Variants in MLLT10 observed in about 807,000 individuals in gnomAD.
MLLT10 encodes protein AF-10.
MLLT10 carries 30 observed loss-of-function variants against 129.1 expected under a neutral mutation model. The ratio of observed to expected loss-of-function variants is 0.23; its 90% confidence interval spans 0.17 to 0.32. The LOEUF (loss-of-function observed/expected upper bound fraction) is 0.32, where lower values mean the gene tolerates loss of function less well. Ranked by LOEUF, MLLT10 falls within the 10% of genes least tolerant of loss-of-function variation. MLLT10 has a pLI of 1.00. For synonymous variants in MLLT10, 490 were observed against 446.4 expected (o/e 1.10, Z -1.23); for missense variants, 1,119 against 1,268.3 (o/e 0.88, Z 1.79).
In MLLT10 at chr10:21,740,114, C is replaced by T; in HGVS notation, c.3040C>T (p.Pro1014Ser). The T allele has an allele frequency of 1.2e-6, 2 of 1,614,080 alleles. No homozygotes were observed. Among genetic ancestry groups the T allele is most frequent in the Non-Finnish European group, 1.7e-6 (2 of 1,180,018 alleles). The change falls in exon 22 of 23, where the codon CCT becomes TCT. Residue 1014 changes from proline (P) to serine (S), a missense_variant. Around this residue, in one of 5 missense-constraint regions of MLLT10, gnomAD observed 1,004 missense variants for 1,008.7 expected, o/e 1.00. Coordinates refer to ENST00000307729, the MANE Select transcript of MLLT10 (RefSeq NM_001195626.3). ...ACCTGAACTTCAGCAGCTGCAGATC[C>T]CTGGACCAACACAAATACCCATAAA... ...HQPELQQLQI[P>S]GPTQIPINNL...
At chr10:21,589,055 G>T (rs892602343) in intron 4 of MLLT10, among the ~76,000 whole-genome samples, 2 of 151,944 alleles carry the variant, frequency 1.3e-5, no homozygotes, top group African/African-American at 4.8e-5. Context: ...GGGACTACAG[G>T]TGTGAGCCAC....
At chr10:21,669,018 A>T (rs1216847864) in intron 9 of MLLT10, 4 of 1,382,788 alleles carry the variant, frequency 2.9e-6, no homozygotes, top group Non-Finnish European at 3.8e-6. Flanking sequence ...TTCCAAATTG[A>T]CCTGCCCAGC....
chr10:21,628,009 T>A (rs914316059), intron 8 of MLLT10, among the ~76,000 whole-genome samples: 2 of 152,226 alleles, frequency 1.3e-5, no homozygotes, highest in African/African-American at 4.8e-5. Context: ...CTTCCAATTT[T>A]CAGTTACCTT....
intron 9 of MLLT10, 90 bp downstream of exon 9, chr10:21,651,858 T>C: frequency 1.5e-6 from 1 of 685,722 alleles, no homozygotes; most frequent in South Asian, 2.3e-5. Context: ...TCCCTAACTT[T>C]TCCCAGCTTT....
intron 21 of MLLT10, among the ~76,000 whole-genome samples, chr10:21,738,901 T>C (rs561518531): frequency 3.3e-5 from 5 of 152,320 alleles, no homozygotes; most frequent in African/African-American, 1.2e-4. Flanking sequence ...ATCTCTGTGC[T>C]GATACTTACA....
intron 4 of MLLT10, among the ~76,000 whole-genome samples, chr10:21,588,888 A>G (rs1002224372): frequency 1.4e-5 from 2 of 145,028 alleles, no homozygotes; most frequent in African/African-American, 2.6e-5. Flanking sequence ...CAGTGGCTTG[A>G]TCTTGGCTCA....
At chr10:21,551,219 C>T (rs1236451972) in intron 3 of MLLT10, among the ~76,000 whole-genome samples, 1 of 151,626 alleles carries the variant, frequency 6.6e-6, no homozygotes, top group African/African-American at 2.4e-5. Context: ...GCCACCGTGC[C>T]CGGCCAACTT....
At position 21,534,398 on chromosome 10, in the gene MLLT10, G is replaced by A. The variant is rs540288638; in HGVS notation, c.-123G>A. 4.4e-6 allele frequency: 2 copies of A among 456,312 alleles called. No individual in the cohort carries two copies. The highest frequency in any genetic ancestry group is 4.3e-5 in the South Asian group (1 of 23,234). The allele number at this position is 456,312 out of a possible 1,614,324, so 28.3% of individuals were successfully genotyped here. Reference sequence around the variant, plus strand: ...GCGTTAGCGGCCGGGTGGAGGTGGGGAGGGAAGACGCTGAGGAGGAGGAGG... The same window carrying A: ...GCGTTAGCGGCCGGGTGGAGGTGGGAAGGGAAGACGCTGAGGAGGAGGAGG... On this transcript the variant is annotated 5_prime_UTR_variant, in exon 1 of 23. Coordinates refer to ENST00000307729, the MANE Select transcript of MLLT10 (RefSeq NM_001195626.3).
At chr10:21,736,261 T>C (rs944926204) in intron 21 of MLLT10, among the ~76,000 whole-genome samples, 2 of 152,168 alleles carry the variant, frequency 1.3e-5, no homozygotes. Flanking sequence ...GGGCTACGTA[T>C]TGAAAACTGC....
At chr10:21,535,243 A>T (rs985674985) in intron 2 of MLLT10, among the ~76,000 whole-genome samples, 4 of 151,794 alleles carry the variant, frequency 2.6e-5, no homozygotes, top group Non-Finnish European at 5.9e-5. Context: ...TGTCTGCCGC[A>T]GTGTTTGGAG....
intron 8 of MLLT10, among the ~76,000 whole-genome samples, chr10:21,620,982 C>T (rs899416864): frequency 1.0e-4 from 15 of 149,736 alleles, no homozygotes; most frequent in African/African-American, 3.7e-4. Flanking sequence ...CATACCCTGC[C>T]AAGAATTTTT....
chr10:21,573,153 C>G (rs183482289), intron 3 of MLLT10, among the ~76,000 whole-genome samples: 27 of 151,748 alleles, frequency 1.8e-4, no homozygotes, highest in African/African-American at 6.5e-4. Flanking sequence ...CTCTTTTTTC[C>G]CATTTGTAAT....
At chr10:21,543,085 A>G (rs2035468248) in intron 3 of MLLT10, among the ~76,000 whole-genome samples, 1 of 151,734 alleles carries the variant, frequency 6.6e-6, no homozygotes, top group South Asian at 2.1e-4. Context: ...CAGCCTCCGG[A>G]GTAGCTGAGA....
chr10:21,640,052 C>G (rs927556227), intron 8 of MLLT10, among the ~76,000 whole-genome samples: 1 of 151,126 alleles, frequency 6.6e-6, no homozygotes, highest in Admixed American at 6.6e-5. Context: ...GGACAAAAGG[C>G]CAAATACTTT....
chr10:21,704,331 C>T (rs545646174), intron 13 of MLLT10, among the ~76,000 whole-genome samples: 2 of 70,730 alleles, frequency 2.8e-5, no homozygotes, highest in African/African-American at 4.9e-5. Context: ...TTTTTAAATT[C>T]TCTCTCTCTC....
intron 8 of MLLT10, among the ~76,000 whole-genome samples, chr10:21,638,993 A>T (rs1286809428): frequency 6.6e-6 from 1 of 152,120 alleles, no homozygotes; most frequent in Non-Finnish European, 1.5e-5. Context: ...AAGACCCATT[A>T]ACTGCCTAGT....
chr10:21,633,015 C>T (rs1200500635), intron 8 of MLLT10, among the ~76,000 whole-genome samples: 1 of 152,126 alleles, frequency 6.6e-6, no homozygotes, highest in Non-Finnish European at 1.5e-5. Flanking sequence ...TCAGGTGTTG[C>T]ATATACAGTT....
At chr10:21,566,421 C>T (rs756180662) in intron 3 of MLLT10, among the ~76,000 whole-genome samples, 11 of 151,510 alleles carry the variant, frequency 7.3e-5, no homozygotes, top group South Asian at 2.1e-4. Context: ...CTCTGCCTCC[C>T]GGGTTCAAGT....
At chr10:21,624,854 C>G in intron 8 of MLLT10, 1 of 1,097,046 alleles carries the variant, frequency 9.1e-7, no homozygotes, top group East Asian at 2.4e-5. Flanking sequence ...GTGCAGGACC[C>G]CCTCTGCCAC....
Sources: allele counts gnomAD v4.1 joint callset (sites outside exome capture counted in the v4.1 genomes callset), GRCh38; gene constraint gnomAD v4.1.1; regional missense constraint gnomAD v4.1.1; transcripts MANE v1.5; gene names NCBI Gene and HGNC (gene_info 2026-07-23, HGNC 2026-07-21).